Variants in SYT16 observed in about 807,000 individuals in gnomAD.
SYT16 encodes synaptotagmin-16.
In SYT16, 42 loss-of-function variants were observed where a neutral mutation model predicts 61.4. The ratio of observed to expected loss-of-function variants is 0.68; its 90% confidence interval spans 0.53 to 0.89. The LOEUF (loss-of-function observed/expected upper bound fraction) is 0.89. Ranked by LOEUF, SYT16 falls within the 40% of genes least tolerant of loss-of-function variation. The probability of loss-of-function intolerance (pLI) is 0.00; values close to 1 mark genes in which losing one functional copy is unlikely to be tolerated. For synonymous variants in SYT16, 314 were observed against 302.3 expected, an observed-to-expected ratio of 1.04 and a Z score of -0.40; for missense variants, 804 against 807.3, an observed-to-expected ratio of 1.00 and a Z score of 0.05.
chr14:61,953,336 G>T (rs924442844), intron 1 of SYT16, among the ~76,000 whole-genome samples: 2 of 152,068 alleles, frequency 1.3e-5, no homozygotes, highest in South Asian at 2.1e-4. Flanking sequence ...TGTAGTATCT[G>T]TGATTATGCT....
chr14:61,950,379 C>G (rs1340164414), intron 1 of SYT16, among the ~76,000 whole-genome samples: 1 of 152,124 alleles, frequency 6.6e-6, no homozygotes, highest in African/African-American at 2.4e-5. Context: ...CTCATGCTTG[C>G]CATATGGAGC....
chr14:61,881,685 G>A (rs2047704333), intron 1 of SYT16, among the ~76,000 whole-genome samples: 1 of 152,106 alleles, frequency 6.6e-6, no homozygotes, highest in Non-Finnish European at 1.5e-5. Context: ...GTCCAGTGTT[G>A]ACAGTAGATT....
At chr14:62,079,909 G>A (rs1308349592) in intron 5 of SYT16, among the ~76,000 whole-genome samples, 1 of 152,170 alleles carries the variant, frequency 6.6e-6, no homozygotes, top group Non-Finnish European at 1.5e-5. Flanking sequence ...TTGAGAATAG[G>A]TAGCACCAGT....
chr14:61,910,459 G>A (rs575091488), intron 1 of SYT16, among the ~76,000 whole-genome samples: 2 of 151,302 alleles, frequency 1.3e-5, no homozygotes, highest in East Asian at 3.9e-4. Context: ...GGCTGGTCTC[G>A]AACTCCTGAC....
At chr14:61,952,068 A>G (rs1039877357) in intron 1 of SYT16, among the ~76,000 whole-genome samples, 17 of 151,902 alleles carry the variant, frequency 1.1e-4, no homozygotes, top group African/African-American at 4.1e-4. Context: ...GATTATAGGC[A>G]TGAGCCACTG....
intron 1 of SYT16, among the ~76,000 whole-genome samples, chr14:61,887,026 C>T (rs1285050408): frequency 6.6e-6 from 1 of 151,936 alleles, no homozygotes; most frequent in Non-Finnish European, 1.5e-5. Flanking sequence ...AGGCGTGAGC[C>T]ACTGCGCCCG....
intron 2 of SYT16, among the ~76,000 whole-genome samples, chr14:61,984,580 A>G (rs2140575394): frequency 6.6e-6 from 1 of 152,310 alleles, no homozygotes; most frequent in South Asian, 2.1e-4. Context: ...TTAGTTGAAT[A>G]TAAACTGAGC....
rs533066749 is a variant in SYT16, at chr14:61,829,828, G to C, written c.-325+17018G>C. On this transcript the variant is annotated intron_variant, in intron 1 of 7. Transcript: ENST00000683842. Reference sequence around the variant, plus strand: ...AGCCACCACGCCCAGCTAATTTTTTGTATTTTTAGTATAGACGGGGTTTCA... The same window carrying C: ...AGCCACCACGCCCAGCTAATTTTTTCTATTTTTAGTATAGACGGGGTTTCA... Among the ~76,000 whole-genome samples the C allele has an allele frequency of 2.0e-5, 3 of 152,002 alleles. No individual in the cohort carries two copies. The East Asian group carries it at 5.8e-4, about 29-fold the overall frequency.
rs1333600916 is a variant in SYT16, at chr14:62,112,024, A to G, written c.*11317A>G. 1.3e-5 allele frequency: 2 copies of G among 152,148 alleles called. No individual in the cohort carries two copies. Among genetic ancestry groups the G allele is most frequent in the Admixed American group, 1.3e-4 (2 of 15,272 alleles). The allele number at this position is 152,148 out of a possible 1,614,324, so 9.4% of individuals were successfully genotyped here. A position where few individuals can be genotyped will look rare whatever the true frequency, so the allele number is the denominator to read the frequency against. On this transcript the variant is annotated 3_prime_UTR_variant, in exon 8 of 8. Coordinates refer to ENST00000683842, the MANE Select transcript of SYT16 (RefSeq NM_001367656.1). ...AATTTGTGTATAGGAAAAGGTGTGGAAATTTTTTAATTGTTAAAAACTGGA... is the reference window on the plus strand; with the variant it reads ...AATTTGTGTATAGGAAAAGGTGTGGGAATTTTTTAATTGTTAAAAACTGGA...
intron 3 of SYT16, among the ~76,000 whole-genome samples, chr14:62,005,068 C>T (rs1283246869): frequency 6.6e-6 from 1 of 152,178 alleles, no homozygotes; most frequent in Non-Finnish European, 1.5e-5. Context: ...CAGTTCCTAG[C>T]TTGGCCTTGT....
intron 1 of SYT16, among the ~76,000 whole-genome samples, chr14:61,845,161 C>T (rs545416512): frequency 1.3e-5 from 2 of 150,388 alleles, no homozygotes; most frequent in Admixed American, 1.3e-4. Flanking sequence ...GATTCTCTGG[C>T]CTCAGGCTCC....
chr14:61,967,481 G>C (rs541896276), intron 1 of SYT16, among the ~76,000 whole-genome samples: 19 of 152,272 alleles, frequency 1.2e-4, no homozygotes, highest in African/African-American at 4.3e-4. Flanking sequence ...TTCTCTGGAG[G>C]CTCTGAGGGA....
chr14:62,045,409 T>C (rs1048803544), intron 3 of SYT16, among the ~76,000 whole-genome samples: 7 of 152,072 alleles, frequency 4.6e-5, no homozygotes, highest in African/African-American at 1.7e-4. Context: ...ATACTATTTC[T>C]GTAATGGTTG....
intron 2 of SYT16, among the ~76,000 whole-genome samples, chr14:61,981,498 C>T (rs1019573756): frequency 3.3e-5 from 5 of 151,972 alleles, no homozygotes; most frequent in African/African-American, 1.2e-4. Flanking sequence ...TATAATGAAC[C>T]CCATATATCT....
intron 3 of SYT16, among the ~76,000 whole-genome samples, chr14:62,053,571 A>G (rs1419269749): frequency 6.6e-6 from 1 of 152,224 alleles, no homozygotes; most frequent in Admixed American, 6.5e-5. Context: ...ACCCTAATAC[A>G]GTATTGTACT....
intron 1 of SYT16, among the ~76,000 whole-genome samples, chr14:61,906,329 C>CTGGA (rs1594881775): frequency 6.6e-6 from 1 of 152,184 alleles, no homozygotes; most frequent in Non-Finnish European, 1.5e-5. Context: ...GTTACCCAGG[C>CTGGA]TGGAGTGCAG....
chr14:62,087,761 G>C (rs1257489445), intron 7 of SYT16, among the ~76,000 whole-genome samples: 1 of 151,038 alleles, frequency 6.6e-6, no homozygotes, highest in Non-Finnish European at 1.5e-5. Flanking sequence ...TGAACAAACA[G>C]TAGATGAAGT....
intron 4 of SYT16, among the ~76,000 whole-genome samples, chr14:62,071,909 A>G (rs2056313136): frequency 6.6e-6 from 1 of 152,208 alleles, no homozygotes; most frequent in Non-Finnish European, 1.5e-5. Flanking sequence ...TCTTAAGTGA[A>G]ATCCTTCATT....
intron 6 of SYT16, 127 bp downstream of exon 6, chr14:62,081,401 T>G (rs536129064): frequency 1.9e-6 from 2 of 1,056,668 alleles, no homozygotes; most frequent in South Asian, 1.7e-5. Context: ...TTGGCTCTCC[T>G]CACCCTTGTA....
Sources: gnomAD v4.1 joint callset for allele counts (sites outside exome capture counted in the v4.1 genomes callset) on GRCh38, gnomAD v4.1.1 for gene constraint, MANE v1.5 for transcripts, NCBI Gene and HGNC (gene_info 2026-07-23, HGNC 2026-07-21) for gene names.